NEO1: variants seen among roughly 807,000 people sequenced by gnomAD.
NEO1 encodes neogenin 1.
A neutral mutation model predicts 159.7 loss-of-function variants in NEO1; 63 were observed. That is an observed-to-expected ratio of 0.39 (90% CI 0.32 to 0.49). NEO1 has a LOEUF of 0.49. NEO1 is among the 20% of genes least tolerant of loss of function. The pLI, the probability that NEO1 is intolerant of heterozygous loss-of-function variation, is 0.85. For synonymous variants in NEO1, 633 were observed against 662.0 expected (o/e 0.96, Z 0.67); for missense variants, 1,615 against 1,831.0 (o/e 0.88, Z 2.15).
intron 1 of NEO1, among the ~76,000 whole-genome samples, chr15:73,095,017 T>G (rs1299682903): frequency 2.0e-5 from 3 of 152,120 alleles, no homozygotes; most frequent in Non-Finnish European, 4.4e-5. Flanking sequence ...GAGACCATCC[T>G]GGCCAACATG....
chr15:73,133,022 C>T (rs964994714), intron 4 of NEO1, among the ~76,000 whole-genome samples: 6 of 152,074 alleles, frequency 3.9e-5, no homozygotes, highest in African/African-American at 1.4e-4. Flanking sequence ...CCAGCAATCC[C>T]GTTCCTGTAT....
intron 4 of NEO1, among the ~76,000 whole-genome samples, chr15:73,130,316 C>CT (rs1555433354): frequency 0.021 from 3,198 of 150,380 alleles, 70 homozygotes; most frequent in Admixed American, 0.051. Flanking sequence ...CCGCCCCCCC[C>CT]GCCGCATAAG....
chr15:73,211,912 A>G (rs2037599634), intron 7 of NEO1, among the ~76,000 whole-genome samples: 1 of 152,116 alleles, frequency 6.6e-6, no homozygotes, highest in Non-Finnish European at 1.5e-5. Context: ...CACTTTTGAA[A>G]AGTATTGGTC....
intron 8 of NEO1, among the ~76,000 whole-genome samples, chr15:73,240,782 G>C (rs2150886564): frequency 6.6e-6 from 1 of 152,308 alleles, no homozygotes; most frequent in East Asian, 1.9e-4. Flanking sequence ...TATTTAAAAG[G>C]AAGATTTTGG....
intron 5 of NEO1, among the ~76,000 whole-genome samples, chr15:73,152,267 G>A (rs1185460227): frequency 1.3e-5 from 2 of 152,158 alleles, no homozygotes; most frequent in Non-Finnish European, 2.9e-5. Flanking sequence ...CCTGCCCCAA[G>A]GCTCTAATCT....
At chr15:73,272,377 T>G in intron 18 of NEO1, 78 bp from the exon 19 acceptor site, 1 of 1,078,428 alleles carries the variant, frequency 9.3e-7, no homozygotes, top group Non-Finnish European at 1.4e-6. Context: ...TATTTTGCCT[T>G]ACAAGTGGAA....
At chr15:73,069,499 A>G (rs548029848) in intron 1 of NEO1, among the ~76,000 whole-genome samples, 46 of 152,086 alleles carry the variant, frequency 3.0e-4, no homozygotes, top group Non-Finnish European at 4.4e-4. Context: ...ATATCAATTA[A>G]TATATAAACA....
chr15:73,125,371 A>T (rs918937554), intron 3 of NEO1, among the ~76,000 whole-genome samples: 2 of 152,222 alleles, frequency 1.3e-5, no homozygotes, highest in African/African-American at 4.8e-5. Flanking sequence ...CTCCACCATT[A>T]GTTGGCTGAC....
At chr15:73,272,745 G>A (rs564155879) in intron 19 of NEO1, among the ~76,000 whole-genome samples, 183 bp downstream of exon 19, 13 of 152,212 alleles carry the variant, frequency 8.5e-5, no homozygotes, top group African/African-American at 2.6e-4. Flanking sequence ...GCCCATAGCG[G>A]CATAAAATGG....
chr15:73,248,746 G>A (rs1596474028), intron 9 of NEO1, among the ~76,000 whole-genome samples: 1 of 152,178 alleles, frequency 6.6e-6, no homozygotes, highest in East Asian at 1.9e-4. Flanking sequence ...TATCCCTAGT[G>A]GCTACCACAA....
intron 1 of NEO1, among the ~76,000 whole-genome samples, chr15:73,088,905 TAAG>T (rs937040011): frequency 4.6e-5 from 7 of 152,220 alleles, no homozygotes; most frequent in African/African-American, 1.7e-4. Flanking sequence ...AGATGCTTCC[TAAG>T]AAGATTCAGA....
chr15:73,079,280 T>C (rs184890346), intron 1 of NEO1, among the ~76,000 whole-genome samples: 1 of 152,332 alleles, frequency 6.6e-6, no homozygotes, highest in Admixed American at 6.5e-5. Context: ...ATACAAATTA[T>C]GTTAAGACAT....
At chr15:73,280,868 G>T (rs1191152521) in intron 22 of NEO1, among the ~76,000 whole-genome samples, 2 of 152,036 alleles carry the variant, frequency 1.3e-5, no homozygotes, top group Admixed American at 6.6e-5. Context: ...AGTTAATCCG[G>T]CGTTGTGGAA....
chr15:73,086,348 A>C (rs143462976), intron 1 of NEO1, among the ~76,000 whole-genome samples: 1 of 152,178 alleles, frequency 6.6e-6, no homozygotes, highest in East Asian at 1.9e-4. Flanking sequence ...TAAGTTTTCA[A>C]GTTGGGTAGT....
At chr15:73,116,157 C>G (rs2071299728) in intron 1 of NEO1, among the ~76,000 whole-genome samples, 1 of 151,886 alleles carries the variant, frequency 6.6e-6, no homozygotes, top group African/African-American at 2.4e-5. Flanking sequence ...AAAAAGATAC[C>G]TCTTAAGAAT....
intron 9 of NEO1, among the ~76,000 whole-genome samples, chr15:73,247,506 C>T (rs2039857262): frequency 6.6e-6 from 1 of 152,172 alleles, no homozygotes; most frequent in Non-Finnish European, 1.5e-5. Flanking sequence ...ACCTGTCAGG[C>T]TGCACAAAAT....
intron 7 of NEO1, among the ~76,000 whole-genome samples, chr15:73,205,632 T>C (rs2037167555): frequency 6.6e-6 from 1 of 152,172 alleles, no homozygotes; most frequent in Non-Finnish European, 1.5e-5. Context: ...AGATTACCTT[T>C]TAAGTGTTCC....
chr15:73,116,554 A>G lies in NEO1; in HGVS notation c.145A>G (p.Thr49Ala). Residue 49 changes from threonine to alanine, a missense_variant, in exon 2 of 29, where the codon ACG becomes GCG. By Grantham distance (58) the Thr-to-Ala change is moderately conservative (BLOSUM62 0). Transcript: ENST00000261908. ...TATTTTTGTAGGAGCCAGCATTCGAACGTTCACTCCATTTTATTTTCTGGT... is the reference window on the plus strand; with the variant it reads ...TATTTTTGTAGGAGCCAGCATTCGAGCGTTCACTCCATTTTATTTTCTGGT... The part of the protein sequence containing the change: ...APQSPGASIR[T>A]FTPFYFLVEP... The G allele has an allele frequency of 6.5e-7, 1 of 1,527,368 alleles. No individual in the cohort carries two copies. The allele number at this position is 1,527,368 out of a possible 1,614,324, so 94.6% of individuals were successfully genotyped here.
chr15:73,051,705 C>G (rs1478573753), upstream of NEO1: 1 of 151,810 alleles, frequency 6.6e-6, no homozygotes, highest in Non-Finnish European at 1.5e-5. Context: ...GGCTTGGGAG[C>G]CGGAGGTCAG....
Sources: allele counts gnomAD v4.1 joint callset (sites outside exome capture counted in the v4.1 genomes callset), GRCh38; gene constraint gnomAD v4.1.1; transcripts MANE v1.5; gene names NCBI Gene and HGNC (gene_info 2026-07-23, HGNC 2026-07-21).